Variants in NR1H3 observed in about 807,000 individuals in gnomAD.
NR1H3 encodes nuclear receptor subfamily 1 group H member 3.
In NR1H3, 19 loss-of-function variants were observed where a neutral mutation model predicts 48.1. That is an observed-to-expected ratio of 0.40 (90% CI 0.28 to 0.58). The LOEUF (loss-of-function observed/expected upper bound fraction) is 0.58, where lower values mean the gene tolerates loss of function less well. Among genes scored for constraint, NR1H3 ranks in the 20% least tolerant of loss-of-function variants. The pLI is 0.50. For synonymous variants in NR1H3, 232 were observed against 227.3 expected, an observed-to-expected ratio of 1.02 and a Z score of -0.19; for missense variants, 486 against 595.9, an observed-to-expected ratio of 0.82 and a Z score of 1.92.
chr11:47,252,110 AT>A (rs1297071468), intron 1 of NR1H3, among the ~76,000 whole-genome samples: 10 of 152,022 alleles, frequency 6.6e-5, no homozygotes, highest in Non-Finnish European at 1.5e-5. Context: ...ATGTGGGCCT[AT>A]CCCAGATCAA....
upstream of NR1H3, among the ~76,000 whole-genome samples, chr11:47,254,406 C>T (rs1035306133): frequency 1.4e-4 from 22 of 152,244 alleles, no homozygotes; most frequent in Admixed American, 3.3e-4. Context: ...GGGAGCTGGA[C>T]TGGTGATGTG....
At chr11:47,255,615 CTCTTTCTT>C (rs71042664), upstream of NR1H3, among the ~76,000 whole-genome samples, 1,067 of 93,054 alleles carry the variant, frequency 0.011, 18 homozygotes, top group African/African-American at 0.032. Context: ...CTCTCTCTCT[CTCTTTCTT>C]TCTTTCTTTC....
At position 47,252,713 on chromosome 11, in the gene NR1H3, A is replaced by G. The variant is rs192849501; in HGVS notation, c.-93+3714A>G. Among the ~76,000 whole-genome samples, 16 of 150,462 alleles carry G rather than the reference A, an allele frequency of 1.1e-4. No homozygotes were observed. The East Asian group carries it at 3.1e-3, about 29-fold the overall frequency. On this transcript the variant is annotated intron_variant, in intron 1 of 8. Coordinates refer to the NR1H3 transcript ENST00000395397. The stretch of plus-strand genomic sequence containing the variant: ...CTCAGCCTCTCGAGTAGCTGGGACT[A>G]CAGGCACCTGCCACCACACCTGGCT...
chr11:47,257,025 C>T (rs1296753118), upstream of NR1H3, among the ~76,000 whole-genome samples: 9 of 152,144 alleles, frequency 5.9e-5, no homozygotes, highest in East Asian at 1.9e-4. Flanking sequence ...CCACCGCGCC[C>T]GGCCGAGAAT....
chr11:47,261,948 C>T lies in NR1H3; in HGVS notation c.918C>T (p.Tyr306=), dbSNP rs1294411917. 8 of 1,614,148 alleles carry T rather than the reference C, an allele frequency of 5.0e-6. No homozygotes were observed. The highest frequency in any genetic ancestry group is 3.4e-6 in the Non-Finnish European group (4 of 1,179,990). Residue 306 remains tyrosine (Y), a synonymous_variant, in exon 7 of 10, where the codon TAC becomes TAT. Transcript: ENST00000441012. ...TGCTTCTGGAGACATCTCGGAGGTA[C>T]AACCCTGGGAGTGAGAGTATCACCT... The part of the protein sequence containing the change: ...EVMLLETSRR[Y]NPGSESITFL...
chr11:47,251,565 T>C (rs776982384), intron 1 of NR1H3, among the ~76,000 whole-genome samples: 32 of 151,978 alleles, frequency 2.1e-4, no homozygotes, highest in Non-Finnish European at 3.8e-4. Flanking sequence ...TGAGCCGAGA[T>C]TGTGCCACTT....
chr11:47,255,585 CTTTCTT>C (rs1396000583), upstream of NR1H3, among the ~76,000 whole-genome samples: 433 of 93,046 alleles, frequency 4.7e-3, no homozygotes, highest in South Asian at 0.017. Flanking sequence ...TTCTTTCTTT[CTTTCTT>C]TCTTTCTCTC....
At chr11:47,253,311 C>T (rs1270632066), upstream of NR1H3, among the ~76,000 whole-genome samples, 1 of 152,166 alleles carries the variant, frequency 6.6e-6, no homozygotes, top group East Asian at 1.9e-4. Context: ...TTGCTAGTAA[C>T]TATCTCCTAG....
intron 2 of NR1H3, 138 bp downstream of exon 2, chr11:47,259,397 C>T: frequency 6.3e-7 from 1 of 1,583,750 alleles, no homozygotes; most frequent in Non-Finnish European, 8.6e-7. Flanking sequence ...GTGCTTGCCT[C>T]CCGCCCAGAT....
In NR1H3 at chr11:47,261,533, TC is replaced by T. The variant is rs1228695872; in HGVS notation, c.709-11del. ...GTCCGACTCAAAGCGCTTTGCCTTT[TC>T]CCTCCTGGGTAGCCTTGGCCCATGG... On this transcript the variant is annotated splice_polypyrimidine_tract_variant and intron_variant, in intron 5 of 9. Coordinates refer to ENST00000441012, the MANE Select transcript of NR1H3 (RefSeq NM_005693.4). 1 of 1,612,432 alleles carries T rather than the reference TC, an allele frequency of 6.2e-7. No individual in the cohort carries two copies. Among genetic ancestry groups the T allele is most frequent in the Admixed American group, 1.7e-5 (1 of 59,968 alleles).
At chr11:47,255,817 A>C (rs773525608), upstream of NR1H3, among the ~76,000 whole-genome samples, 8 of 151,478 alleles carry the variant, frequency 5.3e-5, no homozygotes, top group Non-Finnish European at 1.2e-4. Flanking sequence ...ACAGGAATGC[A>C]TCATCACACC....
rs372246281 is a variant in NR1H3, at chr11:47,259,819, C to G, written c.72C>G (p.Gly24=). Residue 24 remains glycine, a synonymous_variant, in exon 3 of 10, where the codon GGC becomes GGG. Coordinates refer to ENST00000441012, the MANE Select transcript of NR1H3 (RefSeq NM_005693.4). The stretch of plus-strand genomic sequence containing the variant: ...CTGCGGTGGAGCTGTGGAAGCCAGG[C>G]GCACAGGATGCAAGCAGCCAGGCCC... ...PDSAVELWKP[G]AQDASSQAQG... 5 of 1,612,112 alleles carry G rather than the reference C, an allele frequency of 3.1e-6. No individual in the cohort carries two copies. The highest frequency in any genetic ancestry group is 2.5e-6 in the Non-Finnish European group (3 of 1,179,930).
chr11:47,250,005 C>G (rs534567643), intron 1 of NR1H3, among the ~76,000 whole-genome samples: 1 of 152,082 alleles, frequency 6.6e-6, no homozygotes, highest in African/African-American at 2.4e-5. Context: ...GAGGCTGAGG[C>G]AGGAGAATCG....
At chr11:47,251,620 A>T (rs1017247009) in intron 1 of NR1H3, among the ~76,000 whole-genome samples, 1 of 151,768 alleles carries the variant, frequency 6.6e-6, no homozygotes, top group Non-Finnish European at 1.5e-5. Flanking sequence ...TCAAAAAAAA[A>T]AATAAAATAA....
intron 7 of NR1H3, among the ~76,000 whole-genome samples, 197 bp from the exon 8 acceptor site, chr11:47,267,716 C>A (rs1956873657): frequency 6.6e-6 from 1 of 152,124 alleles, no homozygotes; most frequent in Non-Finnish European, 1.5e-5. Flanking sequence ...GCCATGTTGG[C>A]CAGGCTCTTC....
upstream of NR1H3, among the ~76,000 whole-genome samples, chr11:47,255,541 TTTTCTTTC>T (rs1173009490): frequency 1.9e-3 from 137 of 71,586 alleles, no homozygotes; most frequent in Middle Eastern, 6.4e-3. Flanking sequence ...CTTTCTTTCT[TTTTCTTTC>T]TTTCTTTCTT....
chr11:47,259,291 C>G (rs1236706134), intron 2 of NR1H3, 32 bp downstream of exon 2: 2 of 1,614,110 alleles, frequency 1.2e-6, no homozygotes, highest in East Asian at 4.5e-5. Flanking sequence ...TCCCCTGAGC[C>G]CAGACCGCAG....
chr11:47,256,246 G>A (rs1159152190), upstream of NR1H3, among the ~76,000 whole-genome samples: 1 of 151,496 alleles, frequency 6.6e-6, no homozygotes, highest in Non-Finnish European at 1.5e-5. Flanking sequence ...TCACCATGTT[G>A]GCCAGGCTGG....
At chr11:47,256,866 A>G (rs3758672), upstream of NR1H3, among the ~76,000 whole-genome samples, 56,858 of 150,440 alleles carry the variant, frequency 0.38, 11,645 homozygotes, top group East Asian at 0.75. Flanking sequence ...GAGTAGCTGG[A>G]ACTACAGGCG....
Sources: gnomAD v4.1 joint callset for allele counts (sites outside exome capture counted in the v4.1 genomes callset) on GRCh38, gnomAD v4.1.1 for gene constraint, MANE v1.5 for transcripts, NCBI Gene and HGNC (gene_info 2026-07-23, HGNC 2026-07-21) for gene names.